The following GPHN variants were observed in gnomAD, a reference collection of about 807,000 sequenced individuals.
The protein encoded by GPHN is gephyrin.
Under a neutral mutation model 95.5 loss-of-function variants are expected in GPHN, and 17 were observed. The observed-to-expected ratio is 0.18, with a 90% CI of 0.12 to 0.27. The LOEUF is 0.27. Among genes scored for constraint, GPHN ranks in the 10% least tolerant of loss-of-function variants. GPHN has a pLI of 1.00. For missense variants in GPHN, 660 were observed against 978.1 expected (o/e 0.67, Z 4.34); for synonymous variants, 320 against 322.5 (o/e 0.99, Z 0.08).
At chr14:66,513,137 C>A (rs2058102513) in intron 1 of GPHN, among the ~76,000 whole-genome samples, 1 of 151,558 alleles carries the variant, frequency 6.6e-6, no homozygotes, top group Non-Finnish European at 1.5e-5. Context: ...AAATTAATTT[C>A]TAATGAATAT....
At chr14:67,580,847 C>T in the GPHN span, 1 of 804,124 alleles carries the variant, frequency 1.2e-6, no homozygotes. Context: ...GTTTTCTTTG[C>T]TCTTCTGCTC....
chr14:67,441,949 T>C, the GPHN span: 7 of 153,852 alleles, frequency 4.5e-5, no homozygotes, highest in Non-Finnish European at 7.4e-5. Flanking sequence ...TCTATCTCCT[T>C]CCTATTGGTT....
chr14:67,060,076 TATAAAA>T (rs984988221), intron 11 of GPHN, among the ~76,000 whole-genome samples: 3 of 152,112 alleles, frequency 2.0e-5, no homozygotes, highest in Non-Finnish European at 4.4e-5. Context: ...CTTTACCTGT[TATAAAA>T]ATAAATAAAC....
intron 1 of GPHN, among the ~76,000 whole-genome samples, chr14:66,655,030 A>C (rs1272971005): frequency 6.6e-6 from 1 of 152,128 alleles, no homozygotes; most frequent in East Asian, 1.9e-4. Context: ...ATATCTGTAT[A>C]TGTCTTGACA....
chr14:67,548,862 A>C, the GPHN span, among the ~76,000 whole-genome samples: 1 of 152,338 alleles, frequency 6.6e-6, no homozygotes, highest in Non-Finnish European at 1.5e-5. Context: ...TTTGGAGTAT[A>C]ACTCAGTTTT....
At chr14:67,625,118 T>C in the GPHN span, among the ~76,000 whole-genome samples, 1 of 151,854 alleles carries the variant, frequency 6.6e-6, no homozygotes, top group Non-Finnish European at 1.5e-5. Flanking sequence ...GAAAGAATAG[T>C]CTTCAGTAAA....
chr14:67,356,940 C>T, the GPHN span, among the ~76,000 whole-genome samples: 2 of 152,178 alleles, frequency 1.3e-5, no homozygotes, highest in Non-Finnish European at 2.9e-5. Flanking sequence ...CTGCATATTC[C>T]AGCCAGTTTA....
the GPHN span, among the ~76,000 whole-genome samples, chr14:67,491,244 G>A: frequency 6.6e-6 from 1 of 152,200 alleles, no homozygotes; most frequent in Admixed American, 6.5e-5. Flanking sequence ...ATAGGGTGAC[G>A]TATTGGGGGG....
intron 9 of GPHN, among the ~76,000 whole-genome samples, chr14:67,019,579 T>C (rs764302556): frequency 1.3e-4 from 20 of 152,206 alleles, no homozygotes; most frequent in Non-Finnish European, 2.8e-4. Flanking sequence ...TTAATACTTA[T>C]ACATTCTTAT....
the GPHN span, among the ~76,000 whole-genome samples, chr14:67,534,249 C>T: frequency 6.6e-6 from 1 of 151,956 alleles, no homozygotes; most frequent in Non-Finnish European, 1.5e-5. Context: ...TATTATTGGC[C>T]CCATTTTTCC....
At chr14:67,279,184 A>T in the GPHN span, 27 of 1,596,644 alleles carry the variant, frequency 1.7e-5, no homozygotes, top group Non-Finnish European at 2.0e-5. Flanking sequence ...ACAACATCCC[A>T]TATGAATGGG....
At chr14:67,572,641 T>A in the GPHN span, among the ~76,000 whole-genome samples, 1 of 152,176 alleles carries the variant, frequency 6.6e-6, no homozygotes, top group Non-Finnish European at 1.5e-5. Context: ...GTGCTCAGTT[T>A]CCAGGCATTG....
chr14:67,619,692 T>C, the GPHN span: 2 of 329,564 alleles, frequency 6.1e-6, no homozygotes, highest in Non-Finnish European at 1.1e-5. Flanking sequence ...ATATTGGCCT[T>C]CTGGCGTCAG....
intron 1 of GPHN, among the ~76,000 whole-genome samples, chr14:66,558,657 A>T (rs950275508): frequency 6.6e-6 from 1 of 152,166 alleles, no homozygotes; most frequent in Admixed American, 6.5e-5. Context: ...TTTAATATAG[A>T]GTTCATTCTG....
intron 1 of GPHN, among the ~76,000 whole-genome samples, chr14:66,678,958 G>T (rs917730580): frequency 1.3e-5 from 2 of 152,212 alleles, no homozygotes; most frequent in Non-Finnish European, 2.9e-5. Context: ...GCTCCTAAGG[G>T]TTGTGCACAG....
At chr14:67,032,521 G>C (rs1202272314) in intron 10 of GPHN, among the ~76,000 whole-genome samples, 1 of 152,224 alleles carries the variant, frequency 6.6e-6, no homozygotes, top group Non-Finnish European at 1.5e-5. Context: ...TGGTAACAGA[G>C]AGCTGGTGTA....
chr14:67,195,641 ATAT>A, the GPHN span, among the ~76,000 whole-genome samples: 1 of 152,198 alleles, frequency 6.6e-6, no homozygotes, highest in East Asian at 1.9e-4. Flanking sequence ...ATTATAAGAT[ATAT>A]TATTATTTTA....
At chr14:67,303,406 A>G in the GPHN span, 1 of 739,180 alleles carries the variant, frequency 1.4e-6, no homozygotes, top group African/African-American at 1.8e-5. Context: ...GCTGCTGGTC[A>G]TTTAAGTCTG....
the GPHN span, chr14:67,691,110 C>G: frequency 2.0e-6 from 3 of 1,512,338 alleles, no homozygotes; most frequent in Admixed American, 3.3e-5. Context: ...TTGGGTCTCT[C>G]TAGCTTTGTG....
Sources: allele counts gnomAD v4.1 joint callset (sites outside exome capture counted in the v4.1 genomes callset), GRCh38; gene constraint gnomAD v4.1.1; transcripts MANE v1.5; gene names NCBI Gene and HGNC (gene_info 2026-07-23, HGNC 2026-07-21).